The following MCPH1 variants were observed in gnomAD, a reference collection of about 807,000 sequenced individuals.
MCPH1 encodes microcephalin 1.
A neutral mutation model predicts 84.5 loss-of-function variants in MCPH1; 104 were observed. The observed-to-expected ratio is 1.23, with a 90% CI of 1.05 to 1.45. The LOEUF is 1.45. Ranked by LOEUF, MCPH1 falls within the 40% of genes most tolerant of loss-of-function variation. MCPH1 has a pLI of 0.00. For missense variants in MCPH1, 1,498 were observed against 1,005.7 expected, an observed-to-expected ratio of 1.49 and a Z score of -6.62; for synonymous variants, 514 against 366.8, an observed-to-expected ratio of 1.40 and a Z score of -4.58.
intron 11 of MCPH1, 98 bp downstream of exon 11, chr8:6,480,974 C>G: frequency 7.4e-7 from 1 of 1,356,182 alleles, no homozygotes; most frequent in East Asian, 2.3e-5. Flanking sequence ...CGGCGTGCAC[C>G]CTTGTGGATC....
At chr8:6,625,870 C>T in intron 13 of MCPH1, 1 of 985,382 alleles carries the variant, frequency 1.0e-6, no homozygotes, top group South Asian at 4.7e-5. Context: ...GTCGTAAACT[C>T]ACAGGGGGTG....
intron 12 of MCPH1, among the ~76,000 whole-genome samples, chr8:6,531,759 G>A (rs2515480): frequency 0.44 from 66,503 of 151,822 alleles, 15,511 homozygotes; most frequent in African/African-American, 0.59. Context: ...GGTTAGTGGC[G>A]GACCTGGAGC....
chr8:6,533,115 A>C (rs754901652), intron 12 of MCPH1, among the ~76,000 whole-genome samples: 2 of 152,170 alleles, frequency 1.3e-5, no homozygotes, highest in East Asian at 1.9e-4. Context: ...CATTTTTCAC[A>C]ATTTTGTCAT....
Position 6,448,683 on chromosome 8 carries a change from G to C in MCPH1, c.1825+3136G>C, listed in dbSNP as rs190257529. On this transcript the variant is annotated intron_variant, in intron 8 of 13. Coordinates refer to ENST00000344683, the MANE Select transcript of MCPH1 (RefSeq NM_024596.5). ...AATAGATATTTTAAGAGAATTTTTT[G>C]CATGCATAGAATTATATTGCCTTAA... is the stretch of plus-strand genomic sequence containing the variant. Among the ~76,000 whole-genome samples the C allele has an allele frequency of 4.6e-5, 7 of 152,198 alleles. No homozygotes were observed. The East Asian group carries it at 1.4e-3, about 29-fold the overall frequency.
Position 6,444,694 on chromosome 8 carries a change from G to C in MCPH1, c.972G>C (p.Glu324Asp), listed in dbSNP as rs1331378989. The change falls in exon 8 of 14, where the codon GAG (glutamate) becomes GAC (aspartate). Residue 324 changes from glutamate to aspartate, a missense_variant. Glu to Asp is a conservative substitution (Grantham distance 45). Transcript: ENST00000344683. ...DQKQAAGMSQ[E>D]TFEEKYRLSP... is the part of the protein sequence containing the mutation. ...AGCAGGCTGCAGGTATGTCTCAGGA[G>C]ACGTTTGAAGAGAAGTATCGTTTGT... is the stretch of plus-strand genomic sequence containing the variant. 6.2e-7 allele frequency: 1 copy of C among 1,614,070 alleles called. No individual in the cohort carries two copies. The highest frequency in any genetic ancestry group is 1.6e-4 in the Middle Eastern group (1 of 6,062).
Position 6,579,342 on chromosome 8 carries a change from A to C in MCPH1, c.2215-42112A>C, listed in dbSNP as rs117668937. On this transcript the variant is annotated intron_variant, in intron 12 of 13. Transcript: ENST00000344683. ...CTAATTATCAAAGAAAGATTGCTTTAGTGAATGAGACAGTTTAGATCCATT... is the reference window on the plus strand; with the variant it reads ...CTAATTATCAAAGAAAGATTGCTTTCGTGAATGAGACAGTTTAGATCCATT... Among the ~76,000 whole-genome samples the C allele has an allele frequency of 9.1e-3, 1,381 of 152,302 alleles. 10 individuals carry two copies. The highest frequency in any genetic ancestry group is 0.017 in the Middle Eastern group (5 of 294).
At chr8:6,562,867 C>T (rs1360452984) in intron 12 of MCPH1, 3 of 1,612,316 alleles carry the variant, frequency 1.9e-6, no homozygotes, top group Non-Finnish European at 2.5e-6. Context: ...CATGCTCTTC[C>T]GAAAGTTGTT....
At chr8:6,456,821 T>A (rs1805729647) in intron 9 of MCPH1, among the ~76,000 whole-genome samples, 3 of 152,182 alleles carry the variant, frequency 2.0e-5, no homozygotes, top group Admixed American at 2.0e-4. Flanking sequence ...TCCCTGTGCC[T>A]GGGATAGCCC....
At chr8:6,641,094 AT>A (rs1302938491) in intron 13 of MCPH1, among the ~76,000 whole-genome samples, 2 of 151,572 alleles carry the variant, frequency 1.3e-5, no homozygotes, top group Non-Finnish European at 2.9e-5. Flanking sequence ...CTTCCTATGC[AT>A]TTTTTTCTTT....
At chr8:6,631,915 G>T (rs1797190633) in intron 13 of MCPH1, among the ~76,000 whole-genome samples, 1 of 152,206 alleles carries the variant, frequency 6.6e-6, no homozygotes, top group Non-Finnish European at 1.5e-5. Context: ...GTTCACAATA[G>T]CCAAAAGGCA....
Position 6,521,224 on chromosome 8 carries a change from G to C in MCPH1, c.2214+21295G>C, listed in dbSNP as rs1189015574. 1.9e-6 allele frequency: 3 copies of C among 1,613,898 alleles called. No homozygotes were observed. In the South Asian group the frequency reaches 3.3e-5, roughly 18 times the overall value. On this transcript the variant is annotated intron_variant, in intron 12 of 13. Coordinates refer to ENST00000344683, the MANE Select transcript of MCPH1 (RefSeq NM_024596.5). ...TCAGTAAGTTATTAACTGTCTCCAT[G>C]AGATCATGTTGCTGCTTCTGAAGAA...
chr8:6,520,112 C>T, intron 12 of MCPH1: 2 of 1,134,046 alleles, frequency 1.8e-6, no homozygotes, highest in East Asian at 2.5e-5. Context: ...AAGCAAAAGG[C>T]TGTACCACTT....
intron 9 of MCPH1, among the ~76,000 whole-genome samples, chr8:6,456,420 G>T (rs1315417053): frequency 6.6e-6 from 1 of 152,174 alleles, no homozygotes; most frequent in Non-Finnish European, 1.5e-5. Flanking sequence ...CAGTTTCTCA[G>T]TCTTCTTCCT....
intron 11 of MCPH1, among the ~76,000 whole-genome samples, chr8:6,487,221 G>C (rs1346633860): frequency 6.6e-6 from 1 of 152,190 alleles, no homozygotes; most frequent in South Asian, 2.1e-4. Flanking sequence ...ACTATCAACA[G>C]ATAATCTAGT....
At position 6,439,244 on chromosome 8, in the gene MCPH1, A is replaced by C. The variant is rs1017934273; in HGVS notation, c.580+148A>C. On this transcript the variant is annotated intron_variant, in intron 6 of 13. Transcript: ENST00000344683. ...TCATGGCTGGCTTTGTTTTCCAGAA[A>C]ATCTTATGCATCATTAAGATTTTTG... 7.8e-6 allele frequency: 6 copies of C among 771,070 alleles called. No homozygotes were observed. In the African/African-American group the frequency reaches 1.0e-4, roughly 13 times the overall value. The allele number at this position is 771,070 out of a possible 1,614,324, so 47.8% of individuals were successfully genotyped here. A position where few individuals can be genotyped will look rare whatever the true frequency, so the allele number is the denominator to read the frequency against.
intron 13 of MCPH1, among the ~76,000 whole-genome samples, chr8:6,629,218 T>G (rs1796979830): frequency 1.3e-5 from 2 of 152,198 alleles, no homozygotes; most frequent in Admixed American, 6.5e-5. Flanking sequence ...ATCCCAGCAC[T>G]TTGGGAGGCC....
intron 12 of MCPH1, among the ~76,000 whole-genome samples, chr8:6,518,630 C>T (rs1305577682): frequency 6.6e-6 from 1 of 152,060 alleles, no homozygotes. Flanking sequence ...TTCTTTGATA[C>T]TGTTTTAAAT....
intron 12 of MCPH1, among the ~76,000 whole-genome samples, chr8:6,517,607 C>G (rs543096365): frequency 6.6e-6 from 1 of 152,202 alleles, no homozygotes; most frequent in Non-Finnish European, 1.5e-5. Flanking sequence ...GAGAAGTTGT[C>G]TGGTAGTCTT....
At chr8:6,571,667 T>C (rs958077872) in intron 12 of MCPH1, among the ~76,000 whole-genome samples, 9 of 152,142 alleles carry the variant, frequency 5.9e-5, no homozygotes, top group African/African-American at 2.2e-4. Context: ...ATTATCTCTC[T>C]TGGTTATAGG....
Sources: allele counts gnomAD v4.1 joint callset (sites outside exome capture counted in the v4.1 genomes callset), GRCh38; gene constraint gnomAD v4.1.1; transcripts MANE v1.5; gene names NCBI Gene and HGNC (gene_info 2026-07-23, HGNC 2026-07-21).